The following TAFA1 variants were observed in gnomAD, a reference collection of about 807,000 sequenced individuals.
TAFA1 encodes chemokine-like protein TAFA-1.
TAFA1 carries 4 observed loss-of-function variants against 18.5 expected under a neutral mutation model. The ratio of observed to expected loss-of-function variants is 0.22; its 90% CI spans 0.11 to 0.49. The LOEUF is 0.49. Ranked by LOEUF, TAFA1 falls within the 20% of genes least tolerant of loss-of-function variation. The pLI is 0.98. For missense variants in TAFA1, 147 were observed against 169.0 expected, an observed-to-expected ratio of 0.87 and a Z score of 0.72; for synonymous variants, 56 against 55.2, an observed-to-expected ratio of 1.01 and a Z score of -0.06.
At chr3:68,021,425 T>G (rs992605789) in intron 2 of TAFA1, among the ~76,000 whole-genome samples, 1 of 152,144 alleles carries the variant, frequency 6.6e-6, no homozygotes, top group South Asian at 2.1e-4. Context: ...CCACACTTCT[T>G]GGGATGTTTT....
At chr3:68,410,610 T>A (rs948871999) in intron 2 of TAFA1, among the ~76,000 whole-genome samples, 1 of 148,752 alleles carries the variant, frequency 6.7e-6, no homozygotes, top group Non-Finnish European at 1.5e-5. Flanking sequence ...TTATTCTATA[T>A]CCTCTGCCAT....
intron 2 of TAFA1, among the ~76,000 whole-genome samples, chr3:68,307,136 T>A (rs916851612): frequency 6.6e-6 from 1 of 152,188 alleles, no homozygotes; most frequent in Admixed American, 6.5e-5. Context: ...CCCTAGCCCA[T>A]AGCAGTGTGC....
chr3:68,543,536 A>G lies in TAFA1; in HGVS notation c.385-950A>G, dbSNP rs191713017. Among the ~76,000 whole-genome samples the G allele has an allele frequency of 9.9e-5, 15 of 152,250 alleles. No individual in the cohort carries two copies. In the East Asian group the frequency reaches 2.1e-3, roughly 22 times the overall value. On this transcript the variant is annotated intron_variant, in intron 4 of 4. Coordinates refer to ENST00000478136, the MANE Select transcript of TAFA1 (RefSeq NM_213609.4). Reference sequence around the variant, plus strand: ...GATTGCACAATTAACCACTATAGCCATCTTGTCAAATCAGTGTTTTCTGTA... The same window carrying G: ...GATTGCACAATTAACCACTATAGCCGTCTTGTCAAATCAGTGTTTTCTGTA...
intron 2 of TAFA1, among the ~76,000 whole-genome samples, chr3:68,076,182 G>T (rs1347111025): frequency 6.6e-6 from 1 of 152,114 alleles, no homozygotes; most frequent in Admixed American, 6.5e-5. Flanking sequence ...TACTTGTGGT[G>T]TAGTGGTCTT....
intron 2 of TAFA1, among the ~76,000 whole-genome samples, chr3:68,343,485 G>T (rs1379086361): frequency 6.6e-6 from 1 of 152,146 alleles, no homozygotes; most frequent in Non-Finnish European, 1.5e-5. Flanking sequence ...CTTCAGACTT[G>T]TAGGTAAAGA....
intron 2 of TAFA1, among the ~76,000 whole-genome samples, chr3:68,352,725 G>A (rs1215677238): frequency 1.3e-5 from 2 of 152,014 alleles, no homozygotes; most frequent in East Asian, 3.9e-4. Context: ...CTGCCACAGT[G>A]GGATGGCAGA....
chr3:68,452,398 C>G (rs563676428), intron 3 of TAFA1, among the ~76,000 whole-genome samples: 1 of 151,852 alleles, frequency 6.6e-6, no homozygotes, highest in African/African-American at 2.4e-5. Flanking sequence ...TTGCAGGAAC[C>G]TATGGTCCTA....
At chr3:68,291,117 T>G (rs1379962578) in intron 2 of TAFA1, among the ~76,000 whole-genome samples, 1 of 152,176 alleles carries the variant, frequency 6.6e-6, no homozygotes, top group Non-Finnish European at 1.5e-5. Flanking sequence ...GTTAGTTCTA[T>G]GCACCTCAGT....
At chr3:68,009,520 C>T (rs941660519) in intron 2 of TAFA1, among the ~76,000 whole-genome samples, 1 of 152,126 alleles carries the variant, frequency 6.6e-6, no homozygotes, top group Non-Finnish European at 1.5e-5. Context: ...ATTTTGACCC[C>T]AAGTGCTAAT....
Position 68,376,092 on chromosome 3 carries a change from C to T in TAFA1, c.119-41188C>T, listed in dbSNP as rs528609001. ...GTATCAGCCCATCTCCAAGGGTCTGCACAACTGATCAGGATATAGGCCTTT... is the reference window on the plus strand; with the variant it reads ...GTATCAGCCCATCTCCAAGGGTCTGTACAACTGATCAGGATATAGGCCTTT... On this transcript the variant is annotated intron_variant, in intron 2 of 4. Transcript: ENST00000478136. Among the ~76,000 whole-genome samples, 72 of 152,106 alleles carry T rather than the reference C, an allele frequency of 4.7e-4. 2 individuals carry two copies. The highest frequency in any genetic ancestry group is 1.2e-4 in the Non-Finnish European group (8 of 68,028).
chr3:68,426,653 C>T (rs926550668), intron 3 of TAFA1, among the ~76,000 whole-genome samples: 7 of 151,736 alleles, frequency 4.6e-5, no homozygotes, highest in South Asian at 2.1e-4. Context: ...AAATCATACT[C>T]GGTGATAAAC....
At chr3:68,096,714 G>A (rs905800941) in intron 2 of TAFA1, among the ~76,000 whole-genome samples, 1 of 152,092 alleles carries the variant, frequency 6.6e-6, no homozygotes, top group Admixed American at 6.6e-5. Flanking sequence ...ACCTATTATA[G>A]AGGCATGTTG....
intron 3 of TAFA1, among the ~76,000 whole-genome samples, chr3:68,531,288 CA>C (rs1396373234): frequency 6.6e-6 from 1 of 152,114 alleles, no homozygotes; most frequent in Non-Finnish European, 1.5e-5. Flanking sequence ...TGACTTAAAG[CA>C]GAGGGAGAGA....
chr3:68,160,091 C>A (rs1294762442), intron 2 of TAFA1, among the ~76,000 whole-genome samples: 1 of 152,174 alleles, frequency 6.6e-6, no homozygotes, highest in Non-Finnish European at 1.5e-5. Flanking sequence ...AAATGGAAAG[C>A]TCTTGGGCTT....
At chr3:68,509,317 C>T (rs1410341017) in intron 3 of TAFA1, among the ~76,000 whole-genome samples, 1 of 152,054 alleles carries the variant, frequency 6.6e-6, no homozygotes, top group Non-Finnish European at 1.5e-5. Flanking sequence ...CCATCCTACC[C>T]TGCGTCAAGG....
intron 2 of TAFA1, among the ~76,000 whole-genome samples, chr3:68,417,031 C>T (rs2070852427): frequency 6.6e-6 from 1 of 152,100 alleles, no homozygotes; most frequent in Admixed American, 6.6e-5. Flanking sequence ...TATTGCCTGT[C>T]AATACCTACA....
chr3:68,245,031 C>A (rs890480346), intron 2 of TAFA1, among the ~76,000 whole-genome samples: 4 of 152,132 alleles, frequency 2.6e-5, no homozygotes, highest in African/African-American at 4.8e-5. Flanking sequence ...ATCTATCAAG[C>A]CTTTATTTTG....
chr3:68,446,159 A>G (rs997048420), intron 3 of TAFA1, among the ~76,000 whole-genome samples: 3 of 152,052 alleles, frequency 2.0e-5, no homozygotes, highest in African/African-American at 7.2e-5. Context: ...CTCCCACCTC[A>G]GCCTTCCAAA....
chr3:67,996,306 TG>T, the TAFA1 span, among the ~76,000 whole-genome samples: 3 of 152,198 alleles, frequency 2.0e-5, no homozygotes, highest in Non-Finnish European at 4.4e-5. Context: ...CAGTACATGC[TG>T]GATCTAGTTT....
Sources: allele counts gnomAD v4.1 joint callset (sites outside exome capture counted in the v4.1 genomes callset), GRCh38; gene constraint gnomAD v4.1.1; transcripts MANE v1.5; gene names NCBI Gene and HGNC (gene_info 2026-07-23, HGNC 2026-07-21).